The following ANKRD44 variants were observed in gnomAD, a reference collection of about 807,000 sequenced individuals.
ANKRD44 encodes the protein serine/threonine-protein phosphatase 6 regulatory ankyrin repeat subunit B.
ANKRD44 carries 35 observed loss-of-function variants against 116.0 expected under a neutral mutation model. That is an observed-to-expected ratio of 0.30 (90% CI 0.23 to 0.40). The LOEUF is 0.40. Ranked by LOEUF, ANKRD44 falls within the 10% of genes least tolerant of loss-of-function variation. ANKRD44 has a pLI of 1.00. For missense variants in ANKRD44, 1,014 were observed against 1,242.6 expected (o/e 0.82, Z 2.77); for synonymous variants, 435 against 461.8 (o/e 0.94, Z 0.74).
chr2:196,985,822 C>A (rs1419382242), downstream of ANKRD44, among the ~76,000 whole-genome samples: 1 of 152,138 alleles, frequency 6.6e-6, no homozygotes, highest in Non-Finnish European at 1.5e-5. Flanking sequence ...GAGACTGTCC[C>A]TGAAGTTACT....
At chr2:197,016,628 G>T (rs1269812223) in intron 17 of ANKRD44, among the ~76,000 whole-genome samples, 1 of 152,148 alleles carries the variant, frequency 6.6e-6, no homozygotes, top group Non-Finnish European at 1.5e-5. Flanking sequence ...GGAGAGAATG[G>T]ATATCTGTAT....
At position 197,289,119 on chromosome 2, in the gene ANKRD44, G is replaced by A. The variant is rs755238012; in HGVS notation, c.27+21459C>T. Among the ~76,000 whole-genome samples, 90 of 152,142 alleles carry A rather than the reference G, an allele frequency of 5.9e-4. 1 individual carries two copies. Among genetic ancestry groups the A allele is most frequent in the Middle Eastern group, 3.4e-3 (1 of 294 alleles). ...AGTGATGAATACCCCCAAATACACT[G>A]GTTTGGTCATTACACATCCTATGTA... On this transcript the variant is annotated intron_variant, in intron 1 of 27. Coordinates refer to ENST00000282272, the MANE Select transcript of ANKRD44 (RefSeq NM_001195144.2).
rs367777489 is a variant in ANKRD44, at chr2:197,094,720, T to C, written c.1101-4688A>G. Among the ~76,000 whole-genome samples the C allele has an allele frequency of 3.9e-5, 6 of 152,376 alleles. No homozygotes were observed. In the East Asian group the frequency reaches 9.6e-4, roughly 24 times the overall value. On this transcript the variant is annotated intron_variant, in intron 10 of 27. Transcript: ENST00000282272. ...AGAATAGGATGATTTTATGATGTTT[T>C]ACCCAAATGATCAATCCAAGTAAAC...
At chr2:197,232,000 C>T (rs985625601) in intron 1 of ANKRD44, among the ~76,000 whole-genome samples, 2 of 152,142 alleles carry the variant, frequency 1.3e-5, no homozygotes, top group African/African-American at 2.4e-5. Flanking sequence ...ATGACTTTGT[C>T]TCCTGAACCA....
At chr2:197,022,772 G>A (rs1482110666) in intron 17 of ANKRD44, among the ~76,000 whole-genome samples, 2 of 152,180 alleles carry the variant, frequency 1.3e-5, no homozygotes, top group Admixed American at 1.3e-4. Context: ...GTTAAGACAG[G>A]AGGATCACTT....
In ANKRD44 at chr2:197,178,609, C is replaced by T. The variant is rs539559945; in HGVS notation, c.111+8414G>A. On this transcript the variant is annotated intron_variant, in intron 2 of 27. Coordinates refer to ENST00000282272, the MANE Select transcript of ANKRD44 (RefSeq NM_001195144.2). ...GGGCAAAGGACATGCAGAGGCCACT[C>T]ACCAAAGAAAAAATGCAAATAGCCA... is the stretch of plus-strand genomic sequence containing the variant. Among the ~76,000 whole-genome samples, 3 of 152,216 alleles carry T rather than the reference C, an allele frequency of 2.0e-5. No homozygotes were observed. The East Asian group carries it at 5.8e-4, about 29-fold the overall frequency.
intron 1 of ANKRD44, among the ~76,000 whole-genome samples, chr2:197,236,321 G>GC (rs1274924941): frequency 3.9e-5 from 6 of 152,056 alleles, no homozygotes; most frequent in Non-Finnish European, 8.8e-5. Flanking sequence ...GACACGACCT[G>GC]CCCCAAAATC....
chr2:197,111,196 T>C (rs747356006), intron 8 of ANKRD44, among the ~76,000 whole-genome samples: 5 of 152,234 alleles, frequency 3.3e-5, no homozygotes, highest in African/African-American at 4.8e-5. Context: ...GAAACCTTTA[T>C]TCCTCTCCTG....
chr2:197,215,106 C>A (rs2081416210), intron 1 of ANKRD44, among the ~76,000 whole-genome samples: 2 of 152,132 alleles, frequency 1.3e-5, no homozygotes. Flanking sequence ...GAACTCCTGG[C>A]CTCACATGAT....
intron 2 of ANKRD44, among the ~76,000 whole-genome samples, chr2:197,157,208 C>G (rs1325561073): frequency 6.6e-6 from 1 of 151,996 alleles, no homozygotes. Flanking sequence ...TAAAAATACC[C>G]CTAAGCAACA....
At chr2:197,052,604 A>G (rs1016617910) in intron 16 of ANKRD44, among the ~76,000 whole-genome samples, 1 of 152,098 alleles carries the variant, frequency 6.6e-6, no homozygotes, top group Admixed American at 6.6e-5. Flanking sequence ...CCTAAGAAGC[A>G]TTAATTTGTT....
intron 16 of ANKRD44, among the ~76,000 whole-genome samples, chr2:197,058,546 T>C (rs1319471363): frequency 6.6e-6 from 1 of 152,152 alleles, no homozygotes; most frequent in African/African-American, 2.4e-5. Flanking sequence ...ATGTCAGCTG[T>C]CCTAATTTTT....
chr2:196,999,768 T>C lies in ANKRD44; in HGVS notation c.2519+651A>G, dbSNP rs532273602. ...GCCACCACACCCGGCTAATTTTTTATATTTTTAGTAGAGATGGGGTTTCAC... is the reference window on the plus strand; with the variant it reads ...GCCACCACACCCGGCTAATTTTTTACATTTTTAGTAGAGATGGGGTTTCAC... On this transcript the variant is annotated intron_variant, in intron 23 of 27. Transcript: ENST00000282272. Among the ~76,000 whole-genome samples the C allele has an allele frequency of 1.2e-3, 182 of 152,128 alleles. 1 individual carries two copies. The highest frequency in any genetic ancestry group is 4.2e-3 in the African/African-American group (173 of 41,506).
intron 21 of ANKRD44, among the ~76,000 whole-genome samples, chr2:196,969,994 C>T (rs930042638): frequency 1.3e-5 from 2 of 152,016 alleles, no homozygotes; most frequent in Non-Finnish European, 2.9e-5. Flanking sequence ...TTTAAGATCC[C>T]CCTAATAGGG....
In ANKRD44 at chr2:197,081,655, C is replaced by T. The variant is rs1167708162; in HGVS notation, c.1528G>A (p.Glu510Lys). The T allele has an allele frequency of 6.2e-7, 1 of 1,613,810 alleles. No individual in the cohort carries two copies. The highest frequency in any genetic ancestry group is 8.5e-7 in the Non-Finnish European group (1 of 1,179,748). The change falls in exon 15 of 28, where the codon GAA becomes AAA. Residue 510 changes from glutamate (E) to lysine (K), a missense_variant. Physicochemically the swap from Glu to Lys is moderately conservative, Grantham distance 56. Coordinates refer to ENST00000282272, the MANE Select transcript of ANKRD44 (RefSeq NM_001195144.2). The part of the protein sequence containing the change: ...LERARELKEK[E>K]ATLCLEFLLQ... ...TGAGAAGAAACTTACAGTGTGGCTT[C>T]CTTTTCCTTCAGCTCCCTGGCTCTT... is the stretch of plus-strand genomic sequence containing the variant.
chr2:197,229,644 A>G (rs777857877), intron 1 of ANKRD44, among the ~76,000 whole-genome samples: 12 of 152,244 alleles, frequency 7.9e-5, no homozygotes, highest in Non-Finnish European at 1.5e-4. Flanking sequence ...GCACTTCCCT[A>G]AAGTCTATAT....
Position 196,998,332 on chromosome 2 carries a change from C to T in ANKRD44, c.2748+5G>A. 1 of 1,594,046 alleles carries T rather than the reference C, an allele frequency of 6.3e-7. No individual in the cohort carries two copies. The highest frequency in any genetic ancestry group is 8.6e-7 in the Non-Finnish European group (1 of 1,162,526). On this transcript the variant is annotated splice_donor_5th_base_variant and intron_variant, in intron 25 of 27. Coordinates refer to ENST00000282272, the MANE Select transcript of ANKRD44 (RefSeq NM_001195144.2). The stretch of plus-strand genomic sequence containing the variant: ...AGTAATAATATTTTAAATTCATTTA[C>T]ATACTTTACTACAAGCCAAATGTAA...
At chr2:197,223,563 C>G (rs2081633098) in intron 1 of ANKRD44, among the ~76,000 whole-genome samples, 1 of 152,148 alleles carries the variant, frequency 6.6e-6, no homozygotes, top group Non-Finnish European at 1.5e-5. Flanking sequence ...TGTGTGTTTC[C>G]TTTTTGTTTG....
At chr2:197,305,268 A>T (rs979415569) in intron 1 of ANKRD44, among the ~76,000 whole-genome samples, 14 of 152,212 alleles carry the variant, frequency 9.2e-5, no homozygotes, top group African/African-American at 3.1e-4. Context: ...AATAATACTA[A>T]ACCCAACCAG....
Sources: allele counts gnomAD v4.1 joint callset (sites outside exome capture counted in the v4.1 genomes callset), GRCh38; gene constraint gnomAD v4.1.1; transcripts MANE v1.5; gene names NCBI Gene and HGNC (gene_info 2026-07-23, HGNC 2026-07-21).